ARID1A: variants seen among roughly 807,000 people sequenced by gnomAD.
ARID1A encodes the protein AT-rich interaction domain 1A.
Under a neutral mutation model 212.6 loss-of-function variants are expected in ARID1A, and 20 were observed. The ratio of observed to expected loss-of-function variants is 0.09; its 90% CI spans 0.07 to 0.14. The LOEUF is 0.14. ARID1A is among the 10% of genes least tolerant of loss of function. ARID1A has a pLI of 1.00. For synonymous variants in ARID1A, 1,376 were observed against 1,222.1 expected (o/e 1.13, Z -2.63); for missense variants, 2,587 against 3,059.0 (o/e 0.85, Z 3.64).
Position 26,696,679 on chromosome 1 carries a change from C to T in ARID1A, c.276C>T (p.Gly92=). 1.5e-6 allele frequency: 2 copies of T among 1,323,910 alleles called. No individual in the cohort carries two copies. The highest frequency in any genetic ancestry group is 9.6e-7 in the Non-Finnish European group (1 of 1,038,942). The allele number at this position is 1,323,910 out of a possible 1,614,324, so 82.0% of individuals were successfully genotyped here. ...GCGGCGGCGGAGCCGGCAGCGGCGG[C>T]GGGCCCGGCGCGGAGCCGGACCTGA... ...GGGGGGAGSG[G]GPGAEPDLKN... is the part of the protein sequence containing the mutation. Residue 92 remains glycine, a synonymous_variant, in exon 1 of 20, where the codon GGC becomes GGT. Transcript: ENST00000324856.
Position 26,720,183 on chromosome 1 carries a change from A to T in ARID1A, c.1138-9468A>T, listed in dbSNP as rs142893762. Among the ~76,000 whole-genome samples the T allele has an allele frequency of 1.5e-3, 228 of 151,870 alleles. 1 individual carries two copies. The highest frequency in any genetic ancestry group is 2.9e-3 in the Non-Finnish European group (198 of 67,892). ...GGAGAATTGCTTGAACCCGAGAGGC[A>T]TAAGTTGGAGTCAGCCGAGGTCACG... On this transcript the variant is annotated intron_variant, in intron 1 of 19. Transcript: ENST00000324856.
In ARID1A at chr1:26,763,103, T is replaced by C. The variant is rs758812858; in HGVS notation, c.2550T>C (p.Tyr850=). 6.2e-7 allele frequency: 1 copy of C among 1,614,260 alleles called. No homozygotes were observed. Among genetic ancestry groups the C allele is most frequent in the South Asian group, 1.1e-5 (1 of 91,088 alleles). Residue 850 remains tyrosine (Y), a synonymous_variant, in exon 8 of 20, where the codon TAT becomes TAC. Transcript: ENST00000324856. ...QMHGQPGIPP[Y]GTLPPGRMSH... ...ATGGACAGCCTGGCATCCCACCTTA[T>C]GGCACACTCCCTCCAGGGAGGATGA...
chr1:26,725,264 T>G (rs1003082213), intron 1 of ARID1A, among the ~76,000 whole-genome samples: 1 of 152,206 alleles, frequency 6.6e-6, no homozygotes, highest in African/African-American at 2.4e-5. Flanking sequence ...GTATCTTGCA[T>G]GTAGGGATTT....
rs2124744220 is a variant in ARID1A at position 26,697,306 on chromosome 1, G to A, written c.903G>A (p.Ser301=). The change falls in exon 1 of 20, where the codon TCG becomes TCA. Residue 301 remains serine, a synonymous_variant. Transcript: ENST00000324856. ...CCACCCTCAACCAACTGCTCACGTC[G>A]CCCAGCTCGGCCCGGGGCTACCAGG... is the stretch of plus-strand genomic sequence containing the variant. ...ATPTLNQLLT[S]PSSARGYQGY... 2 of 1,347,080 alleles carry A rather than the reference G, an allele frequency of 1.5e-6. No individual in the cohort carries two copies. The highest frequency in any genetic ancestry group is 3.0e-5 in the East Asian group (1 of 32,860). The allele number at this position is 1,347,080 out of a possible 1,614,324, so 83.4% of individuals were successfully genotyped here. A position where few individuals can be genotyped will look rare whatever the true frequency, so the allele number is the denominator to read the frequency against.
chr1:26,743,241 T>A (rs900063223), intron 4 of ARID1A, among the ~76,000 whole-genome samples: 1 of 152,178 alleles, frequency 6.6e-6, no homozygotes, highest in African/African-American at 2.4e-5. Context: ...GATTAGGATG[T>A]ATACCTGTTT....
At chr1:26,714,102 A>G (rs1051051715) in intron 1 of ARID1A, among the ~76,000 whole-genome samples, 2 of 152,228 alleles carry the variant, frequency 1.3e-5, no homozygotes, top group African/African-American at 4.8e-5. Flanking sequence ...TAGAATGCCA[A>G]GTGTCCATCC....
intron 2 of ARID1A, 104 bp from the exon 3 acceptor site, chr1:26,731,048 G>A (rs891254838): frequency 4.7e-6 from 6 of 1,272,178 alleles, no homozygotes; most frequent in African/African-American, 1.5e-5. Context: ...GGCCTTGCAT[G>A]CTTGCTTTCT....
chr1:26,699,030 T>C (rs890319188), intron 1 of ARID1A, among the ~76,000 whole-genome samples: 5 of 152,230 alleles, frequency 3.3e-5, no homozygotes, highest in Admixed American at 6.5e-5. Flanking sequence ...CTTGAGGGAC[T>C]TTCTCCTAAA....
chr1:26,762,384 T>C (rs1448499445), intron 7 of ARID1A, 65 bp downstream of exon 7: 23 of 1,532,218 alleles, frequency 1.5e-5, no homozygotes, highest in Non-Finnish European at 2.7e-6. Context: ...TTGTCTGATA[T>C]GTTGCCATCT....
At chr1:26,755,205 TA>T (rs1192142375) in intron 4 of ARID1A, among the ~76,000 whole-genome samples, 15 of 152,364 alleles carry the variant, frequency 9.8e-5, no homozygotes, top group African/African-American at 3.4e-4. Flanking sequence ...TGGCATATAG[TA>T]GATGCTTAAA....
At chr1:26,738,225 T>C (rs749900054) in intron 4 of ARID1A, among the ~76,000 whole-genome samples, 4 of 152,042 alleles carry the variant, frequency 2.6e-5, no homozygotes, top group Non-Finnish European at 5.9e-5. Context: ...GGTTTCACTA[T>C]GTTGGCCAGA....
intron 4 of ARID1A, among the ~76,000 whole-genome samples, chr1:26,750,049 C>T (rs905596704): frequency 2.6e-5 from 4 of 152,170 alleles, no homozygotes; most frequent in Non-Finnish European, 4.4e-5. Flanking sequence ...TCACTAATAG[C>T]CTGATCTTGC....
chr1:26,696,193 C>CCTCGGAGCTGAAGAAA lies in ARID1A; in HGVS notation c.-211_-210insCTCGGAGCTGAAGAAA. The CCTCGGAGCTGAAGAAA allele has an allele frequency of 1.4e-6, 1 of 701,896 alleles. No homozygotes were observed. The highest frequency in any genetic ancestry group is 1.9e-6 in the Non-Finnish European group (1 of 527,840). 43.5% of individuals were successfully genotyped at this position (701,896 alleles called of 1,614,324 possible). On this transcript the variant is annotated 5_prime_UTR_variant, in exon 1 of 20. An upstream open reading frame in the 5' UTR gains an earlier in-frame stop. Coordinates refer to ENST00000324856, the MANE Select transcript of ARID1A (RefSeq NM_006015.6). ...CCGCCGGCGCCTCGGCCGCCGCCGC[C>CCTCGGAGCTGAAGAAA]GCCTCCTCCTCCTCCGCCGCCGCCA...
intron 1 of ARID1A, among the ~76,000 whole-genome samples, chr1:26,705,632 T>TA (rs1233905869): frequency 6.6e-6 from 1 of 152,240 alleles, no homozygotes; most frequent in Non-Finnish European, 1.5e-5. Flanking sequence ...TACAGGTGTT[T>TA]AGGGGCTTGA....
rs2124149229 is a variant in ARID1A at position 26,780,348 on chromosome 1, T to C, written c.6450T>C (p.Thr2150=). 6.2e-7 allele frequency: 1 copy of C among 1,614,198 alleles called. No individual in the cohort carries two copies. The highest frequency in any genetic ancestry group is 8.5e-7 in the Non-Finnish European group (1 of 1,180,018). ...GCCGCCTGGAGAAGTTGTATAGCAC[T>C]ATGGTGCGCTTCCTCAGTGACCGAA... The part of the protein sequence containing the change: ...PFSRLEKLYS[T]MVRFLSDRKN... The change falls in exon 20 of 20, where the codon ACT becomes ACC. Residue 2150 remains threonine (T), a synonymous_variant. Transcript: ENST00000324856. The surrounding 1 kb of genome is among the most constrained non-coding windows in gnomAD (Gnocchi z 7.2).
At chr1:26,768,048 C>T (rs918995316) in intron 11 of ARID1A, 49 bp downstream of exon 11, 1 of 1,572,170 alleles carries the variant, frequency 6.4e-7, no homozygotes, top group Admixed American at 1.7e-5. Flanking sequence ...CCACAAACCC[C>T]TTTCTAGGTA....
intron 4 of ARID1A, among the ~76,000 whole-genome samples, chr1:26,746,761 G>T (rs1250221821): frequency 3.9e-5 from 6 of 152,250 alleles, no homozygotes; most frequent in African/African-American, 1.4e-4. Flanking sequence ...TGTGGGCTGG[G>T]TGCGGTGGCT....
chr1:26,711,833 A>T (rs765706261), intron 1 of ARID1A, among the ~76,000 whole-genome samples: 1 of 152,178 alleles, frequency 6.6e-6, no homozygotes, highest in African/African-American at 2.4e-5. Context: ...CTGTAATCCA[A>T]GCACTTTGGG....
chr1:26,743,346 G>A lies in ARID1A; in HGVS notation c.1920+10554G>A, dbSNP rs573094507. Among the ~76,000 whole-genome samples, 7 of 152,118 alleles carry A rather than the reference G, an allele frequency of 4.6e-5. No individual in the cohort carries two copies. In the East Asian group the frequency reaches 1.4e-3, roughly 29 times the overall value. The stretch of plus-strand genomic sequence containing the variant: ...AGACTTCTTCCCCATTTTCATATTG[G>A]CATAGCCTTATGCTGGTACCTCTGC... On this transcript the variant is annotated intron_variant, in intron 4 of 19. Transcript: ENST00000324856.
Sources: allele counts gnomAD v4.1 joint callset (sites outside exome capture counted in the v4.1 genomes callset), GRCh38; gene constraint gnomAD v4.1.1; non-coding constraint Gnocchi (gnomAD v3.1); transcripts MANE v1.5; gene names NCBI Gene and HGNC (gene_info 2026-07-23, HGNC 2026-07-21).